ACSL3: variants seen among roughly 807,000 people sequenced by gnomAD.
The protein encoded by ACSL3 is acyl-CoA synthetase long chain family member 3.
ACSL3 carries 34 observed loss-of-function variants against 84.7 expected under a neutral mutation model. That is an observed-to-expected ratio of 0.40 (90% CI 0.31 to 0.53). The LOEUF is 0.53. Among genes scored for constraint, ACSL3 ranks in the 20% least tolerant of loss-of-function variants. The probability of loss-of-function intolerance (pLI) is 0.48; values close to 1 mark genes in which losing one functional copy is unlikely to be tolerated. For missense variants in ACSL3, 680 were observed against 873.1 expected (o/e 0.78, Z 2.79); for synonymous variants, 315 against 299.4 (o/e 1.05, Z -0.54).
chr2:222,913,302 AT>A (rs1224654949), intron 4 of ACSL3, among the ~76,000 whole-genome samples: 2 of 151,816 alleles, frequency 1.3e-5, no homozygotes, highest in Admixed American at 6.6e-5. Flanking sequence ...TCTTAGTCAC[AT>A]TTTTTTACCC....
chr2:222,874,572 G>C (rs1329882716), intron 1 of ACSL3, among the ~76,000 whole-genome samples: 1 of 151,676 alleles, frequency 6.6e-6, no homozygotes, highest in Non-Finnish European at 1.5e-5. Flanking sequence ...TGTGGTTCCG[G>C]CTGCTTGGGA....
chr2:222,921,166 G>T, intron 7 of ACSL3, 114 bp from the exon 8 acceptor site: 4 of 1,178,846 alleles, frequency 3.4e-6, no homozygotes, highest in Non-Finnish European at 4.9e-6. Context: ...TTGTTGAATT[G>T]AGTTAAATTA....
At chr2:222,887,631 A>G (rs1195233703) in intron 1 of ACSL3, among the ~76,000 whole-genome samples, 199 bp from the exon 2 acceptor site, 2 of 152,156 alleles carry the variant, frequency 1.3e-5, no homozygotes, top group Non-Finnish European at 2.9e-5. Flanking sequence ...TAGTGTGTGT[A>G]CTATATGTTT....
chr2:222,927,736 C>T (rs1696920242), intron 12 of ACSL3, among the ~76,000 whole-genome samples: 1 of 152,166 alleles, frequency 6.6e-6, no homozygotes, highest in Admixed American at 6.5e-5. Flanking sequence ...TCATGCGTCC[C>T]TTTTATGGGA....
chr2:222,941,657 A>G lies in ACSL3; in HGVS notation c.*3A>G, dbSNP rs1338508175. On this transcript the variant is annotated 3_prime_UTR_variant, in exon 17 of 17. Coordinates refer to ENST00000357430, the MANE Select transcript of ACSL3 (RefSeq NM_004457.5). Reference sequence around the variant, plus strand: ...AGCGAATGTATGGAAGAAAATAATTATTCTCTTCTGGCATCAGTTTGCTAC... The same window carrying G: ...AGCGAATGTATGGAAGAAAATAATTGTTCTCTTCTGGCATCAGTTTGCTAC... 10 of 1,610,364 alleles carry G rather than the reference A, an allele frequency of 6.2e-6. No individual in the cohort carries two copies. The highest frequency in any genetic ancestry group is 8.5e-6 in the Non-Finnish European group (10 of 1,178,842).
At chr2:222,906,139 GTGT>G (rs1156801463) in intron 3 of ACSL3, among the ~76,000 whole-genome samples, 1 of 152,154 alleles carries the variant, frequency 6.6e-6, no homozygotes, top group East Asian at 1.9e-4. Flanking sequence ...GCTGCTTGTT[GTGT>G]TGTTTCCTTA....
In ACSL3 at chr2:222,917,944, T is replaced by C. The variant is rs1257093400; in HGVS notation, c.557-102T>C. The C allele has an allele frequency of 5.0e-6, 4 of 798,598 alleles. No homozygotes were observed. In the Admixed American group the frequency reaches 6.6e-5, roughly 13 times the overall value. 49.5% of individuals were successfully genotyped at this position (798,598 alleles called of 1,614,324 possible). On this transcript the variant is annotated intron_variant, in intron 5 of 16. Transcript: ENST00000357430. ...CTTATAGACTGTGGATTTAACAGTT[T>C]AGGGCTCCTAATGCGTTATTATGAT... is the stretch of plus-strand genomic sequence containing the variant.
intron 1 of ACSL3, among the ~76,000 whole-genome samples, chr2:222,868,900 G>T (rs1212600117): frequency 6.6e-6 from 1 of 151,744 alleles, no homozygotes; most frequent in Non-Finnish European, 1.5e-5. Flanking sequence ...AACCTGGGAA[G>T]TGGAGGTTGC....
At chr2:222,899,785 A>G (rs753249637) in intron 2 of ACSL3, among the ~76,000 whole-genome samples, 1 of 152,244 alleles carries the variant, frequency 6.6e-6, no homozygotes, top group Admixed American at 6.5e-5. Flanking sequence ...TAATTACTAT[A>G]TTAAGATAAC....
chr2:222,925,806 T>C (rs1186426337), intron 11 of ACSL3, among the ~76,000 whole-genome samples: 1 of 152,218 alleles, frequency 6.6e-6, no homozygotes. Context: ...AAATGTTTTG[T>C]ATTTAAAGCT....
chr2:222,913,555 C>G (rs1456965375), intron 4 of ACSL3, among the ~76,000 whole-genome samples: 1 of 152,072 alleles, frequency 6.6e-6, no homozygotes, highest in Non-Finnish European at 1.5e-5. Context: ...CCCTTACAGC[C>G]TCCCCCCGCC....
In ACSL3 at chr2:222,922,739, C is replaced by A; in HGVS notation, c.988C>A (p.Leu330Met). Reference sequence around the variant, plus strand: ...AGATGTCTACATTGGATATTTGCCTCTGGCCCATGTTCTAGAATTAAGTGC... The same window carrying A: ...AGATGTCTACATTGGATATTTGCCTATGGCCCATGTTCTAGAATTAAGTGC... ...EEDVYIGYLP[L>M]AHVLELSAEL... Residue 330 changes from leucine to methionine, a missense_variant, in exon 9 of 17, where the codon CTG (leucine) becomes ATG (methionine). By Grantham distance (15) the Leu-to-Met change is conservative. Coordinates refer to ENST00000357430, the MANE Select transcript of ACSL3 (RefSeq NM_004457.5). 6.2e-7 allele frequency: 1 copy of A among 1,614,156 alleles called. No homozygotes were observed. Among genetic ancestry groups the A allele is most frequent in the Non-Finnish European group, 8.5e-7 (1 of 1,179,996 alleles).
At chr2:222,939,525 G>T (rs1250347611) in intron 16 of ACSL3, among the ~76,000 whole-genome samples, 2 of 152,086 alleles carry the variant, frequency 1.3e-5, no homozygotes, top group African/African-American at 4.8e-5. Flanking sequence ...TCCCAACCTG[G>T]TGCCCTGTTC....
rs555401217 is a variant in ACSL3 at position 222,902,342 on chromosome 2, T to TA, written c.-41+1562_-41+1563insA. ...AGACAGTGATTTCATCACTATAAAT[T>TA]TAGTTGTTACTTAGCGTCCCCTGAG... On this transcript the variant is annotated intron_variant, in intron 3 of 16. Transcript: ENST00000357430. Among the ~76,000 whole-genome samples the TA allele has an allele frequency of 5.7e-4, 87 of 152,296 alleles. 1 individual carries two copies. Among genetic ancestry groups the TA allele is most frequent in the Non-Finnish European group, 9.6e-4 (65 of 68,026 alleles).
intron 16 of ACSL3, among the ~76,000 whole-genome samples, chr2:222,938,971 A>G (rs1453821963): frequency 6.6e-6 from 1 of 151,498 alleles, no homozygotes; most frequent in Admixed American, 6.6e-5. Context: ...TTTTAAAAAA[A>G]TTTCTTTCAT....
Position 222,930,819 on chromosome 2 carries a change from C to A in ACSL3, c.1732+7C>A. On this transcript the variant is annotated splice_region_variant and intron_variant, in intron 14 of 16. Coordinates refer to ENST00000357430, the MANE Select transcript of ACSL3 (RefSeq NM_004457.5). ...GGATGCTTAAAGATTATTGGTAAGT[C>A]ATCTAATATTTTTTTGAAAATGAAT... 6.3e-7 allele frequency: 1 copy of A among 1,578,618 alleles called. No individual in the cohort carries two copies. The highest frequency in any genetic ancestry group is 1.2e-5 in the South Asian group (1 of 86,376).
At position 222,933,054 on chromosome 2, in the gene ACSL3, A is replaced by G. The variant is rs1169390513; in HGVS notation, c.1733-112A>G. The stretch of plus-strand genomic sequence containing the variant: ...TTAATGCTTAATTTTGCAAAGTTTT[A>G]AATAATTTGATAGCAAATTACTTAG... On this transcript the variant is annotated intron_variant, in intron 14 of 16. Transcript: ENST00000357430. 1.6e-5 allele frequency: 10 copies of G among 638,828 alleles called. 1 individual carries two copies. In the South Asian group the frequency reaches 2.1e-4, roughly 13 times the overall value. The allele number at this position is 638,828 out of a possible 1,614,324, so 39.6% of individuals were successfully genotyped here. A position where few individuals can be genotyped will look rare whatever the true frequency, so the allele number is the denominator to read the frequency against.
At chr2:222,893,322 T>A (rs1357320605) in intron 2 of ACSL3, among the ~76,000 whole-genome samples, 1 of 152,194 alleles carries the variant, frequency 6.6e-6, no homozygotes, top group Admixed American at 6.5e-5. Flanking sequence ...GTGGTGGATG[T>A]GAGGGGCATA....
chr2:222,919,139 C>T lies in ACSL3; in HGVS notation c.742C>T (p.Pro248Ser). The change falls in exon 7 of 17, where the codon CCC (proline) becomes TCC (serine). Residue 248 changes from proline (P) to serine (S), a missense_variant. By Grantham distance (74) the Pro-to-Ser change is moderately conservative. Coordinates refer to ENST00000357430, the MANE Select transcript of ACSL3 (RefSeq NM_004457.5). ...DGKPPTWSEF[P>S]KGIIVHTMAA... ...AAAGCCACCGACCTGGTCCGAGTTCCCCAAGGGCATCATTGTGCATACCAT... is the reference window on the plus strand; with the variant it reads ...AAAGCCACCGACCTGGTCCGAGTTCTCCAAGGGCATCATTGTGCATACCAT... 6.2e-7 allele frequency: 1 copy of T among 1,614,142 alleles called. No homozygotes were observed. The highest frequency in any genetic ancestry group is 8.5e-7 in the Non-Finnish European group (1 of 1,180,020).
Sources: allele counts gnomAD v4.1 joint callset (sites outside exome capture counted in the v4.1 genomes callset), GRCh38; gene constraint gnomAD v4.1.1; transcripts MANE v1.5; gene names NCBI Gene and HGNC (gene_info 2026-07-23, HGNC 2026-07-21).